Variants in DHRSX observed in about 807,000 individuals in gnomAD.
The protein encoded by DHRSX is polyprenol dehydrogenase.
In DHRSX, 31 loss-of-function variants were observed where a neutral mutation model predicts 34.0. The observed-to-expected ratio is 0.91, with a 90% CI of 0.69 to 1.23. DHRSX has a LOEUF of 1.23. Ranked by LOEUF, DHRSX falls within the 50% of genes most tolerant of loss-of-function variation. DHRSX has a pLI of 0.00. For missense variants in DHRSX, 414 were observed against 428.1 expected (o/e 0.97, Z 0.29); for synonymous variants, 201 against 183.8 (o/e 1.09, Z -0.76).
At chrX:2,358,932 G>C (rs1384960671) in intron 3 of DHRSX, among the ~76,000 whole-genome samples, 1 of 147,638 alleles carries the variant, frequency 6.8e-6, no homozygotes, top group Non-Finnish European at 1.5e-5. Flanking sequence ...CTGGGCGACA[G>C]AGTGAGACTC....
At chrX:2,232,525 C>T (rs2015919648) in intron 6 of DHRSX, among the ~76,000 whole-genome samples, 1 of 152,012 alleles carries the variant, frequency 6.6e-6, no homozygotes. Context: ...CAACTGCACC[C>T]CTGGTATTTC....
rs376979775 is a variant in DHRSX, at chrX:2,335,732, G to A, written c.287-44129C>T. Reference sequence around the variant, plus strand: ...CTCCCAAAGTGCTGGGATTACAGGCGTGAGCCACCGCACCTGGCCAGGAGT... The same window carrying A: ...CTCCCAAAGTGCTGGGATTACAGGCATGAGCCACCGCACCTGGCCAGGAGT... On this transcript the variant is annotated intron_variant, in intron 3 of 6. Transcript: ENST00000334651. Among the ~76,000 whole-genome samples the A allele has an allele frequency of 4.6e-5, 7 of 152,132 alleles. No homozygotes were observed. In the East Asian group the frequency reaches 1.2e-3, roughly 25 times the overall value.
chrX:2,493,221 G>T (rs2045200992), intron 1 of DHRSX, among the ~76,000 whole-genome samples: 1 of 152,164 alleles, frequency 6.6e-6, no homozygotes, highest in Non-Finnish European at 1.5e-5. Flanking sequence ...TTAGGGTGGG[G>T]CCCCTGGATT....
intron 5 of DHRSX, 75 bp from the exon 6 acceptor site, chrX:2,243,305 T>A: frequency 7.3e-7 from 1 of 1,369,020 alleles, no homozygotes; most frequent in Non-Finnish European, 1.0e-6. Context: ...GCAGCATCTG[T>A]ACCTGCGGCC....
chrX:2,317,325 C>G (rs2042252897), intron 3 of DHRSX, among the ~76,000 whole-genome samples: 1 of 144,908 alleles, frequency 6.9e-6, no homozygotes, highest in African/African-American at 2.7e-5. Context: ...AGTCTCAGCT[C>G]ACTGCAGCCT....
At chrX:2,332,259 G>A (rs190645670) in intron 3 of DHRSX, among the ~76,000 whole-genome samples, 7 of 152,314 alleles carry the variant, frequency 4.6e-5, no homozygotes, top group African/African-American at 1.7e-4. Context: ...CAAACAGACT[G>A]AATGGGTCCT....
At chrX:2,328,152 T>A (rs1460390888) in intron 3 of DHRSX, among the ~76,000 whole-genome samples, 1 of 150,380 alleles carries the variant, frequency 6.6e-6, no homozygotes, top group African/African-American at 2.5e-5. Context: ...AGTGAGAAGA[T>A]GGCATCTACA....
intron 3 of DHRSX, among the ~76,000 whole-genome samples, chrX:2,395,592 T>C (rs2043399585): frequency 6.6e-6 from 1 of 152,110 alleles, no homozygotes; most frequent in Non-Finnish European, 1.5e-5. Context: ...GTAAGGGATG[T>C]TCCCGTGACT....
At chrX:2,312,779 C>T (rs1294913704) in intron 3 of DHRSX, among the ~76,000 whole-genome samples, 4 of 152,046 alleles carry the variant, frequency 2.6e-5, no homozygotes, top group Non-Finnish European at 5.9e-5. Flanking sequence ...AGACCTCAGA[C>T]GTGGGAGAGC....
intron 5 of DHRSX, among the ~76,000 whole-genome samples, chrX:2,246,737 AAAGAAAGAAAG>A (rs2016302195): frequency 1.7e-5 from 2 of 115,758 alleles, no homozygotes; most frequent in Non-Finnish European, 2.2e-5. Context: ...AGAAAGAAAG[AAAGAAAGAAAG>A]AAAAAGAAAG....
chrX:2,470,845 T>C (rs1218069099), intron 1 of DHRSX, among the ~76,000 whole-genome samples: 1 of 152,254 alleles, frequency 6.6e-6, no homozygotes, highest in Non-Finnish European at 1.5e-5. Context: ...TTTTACATAT[T>C]CTCACTACAA....
chrX:2,248,506 G>C (rs968384050), intron 5 of DHRSX, among the ~76,000 whole-genome samples: 3 of 150,450 alleles, frequency 2.0e-5, no homozygotes, highest in Non-Finnish European at 4.4e-5. Context: ...CCAGCTACTC[G>C]GGAGGCTGAG....
chrX:2,303,701 T>C (rs757397852), intron 3 of DHRSX, among the ~76,000 whole-genome samples: 1 of 151,956 alleles, frequency 6.6e-6, no homozygotes. Flanking sequence ...GATGAATTGA[T>C]GGATGGGTGG....
At chrX:2,431,902 A>G (rs1347917375) in intron 1 of DHRSX, among the ~76,000 whole-genome samples, 2 of 152,162 alleles carry the variant, frequency 1.3e-5, no homozygotes, top group East Asian at 3.9e-4. Context: ...AACCTAAAAT[A>G]GAAGTTGAGG....
chrX:2,380,916 G>A (rs1312540329), intron 3 of DHRSX, among the ~76,000 whole-genome samples: 1 of 152,184 alleles, frequency 6.6e-6, no homozygotes, highest in African/African-American at 2.4e-5. Context: ...CCAGGCTGGA[G>A]TGCAGTGGTG....
At position 2,322,970 on chromosome X, in the gene DHRSX, C is replaced by A. The variant is rs181899789; in HGVS notation, c.287-31367G>T. On this transcript the variant is annotated intron_variant, in intron 3 of 6. Coordinates refer to ENST00000334651, the MANE Select transcript of DHRSX (RefSeq NM_145177.3). ...ATGGAATCTTGCTCTGTCGCCCAGGCTGGAGTGCAATGGTGTGATCTTGGC... is the reference window on the plus strand; with the variant it reads ...ATGGAATCTTGCTCTGTCGCCCAGGATGGAGTGCAATGGTGTGATCTTGGC... 2.6e-5 allele frequency among the ~76,000 whole-genome samples: 4 copies of A among 151,550 alleles called. No homozygotes were observed. The East Asian group carries it at 7.9e-4, about 30-fold the overall frequency.
intron 6 of DHRSX, among the ~76,000 whole-genome samples, chrX:2,231,404 C>T (rs2015873444): frequency 1.3e-5 from 2 of 151,968 alleles, no homozygotes; most frequent in African/African-American, 4.8e-5. Flanking sequence ...ACACCCTTCT[C>T]CTTCCTCCTT....
chrX:2,393,726 C>T lies in DHRSX; in HGVS notation c.286+15019G>A, dbSNP rs1200150250. Among the ~76,000 whole-genome samples, 159 of 103,662 alleles carry T rather than the reference C, an allele frequency of 1.5e-3. 32 individuals are homozygous for T. Among genetic ancestry groups the T allele is most frequent in the East Asian group, 0.011 (34 of 3,036 alleles). 68.0% of individuals were successfully genotyped at this position (103,662 alleles called of 152,430 possible). ...CACACACGACACACAGGGACCTCCC[C>T]GTCTCCTGCACACACGACACACAGG... On this transcript the variant is annotated intron_variant, in intron 3 of 6. Coordinates refer to ENST00000334651, the MANE Select transcript of DHRSX (RefSeq NM_145177.3).
chrX:2,251,212 G>A (rs1181706141), intron 5 of DHRSX, among the ~76,000 whole-genome samples: 1 of 152,086 alleles, frequency 6.6e-6, no homozygotes, highest in Admixed American at 6.6e-5. Context: ...ATCTAATTAG[G>A]AATAAATAGT....
Sources: allele counts gnomAD v4.1 joint callset (sites outside exome capture counted in the v4.1 genomes callset), GRCh38; gene constraint gnomAD v4.1.1; transcripts MANE v1.5; gene names NCBI Gene and HGNC (gene_info 2026-07-23, HGNC 2026-07-21).